The following CADM2 variants were observed in gnomAD, a reference collection of about 807,000 sequenced individuals.
CADM2 encodes the protein cell adhesion molecule 2.
Under a neutral mutation model 49.8 loss-of-function variants are expected in CADM2, and 12 were observed. The ratio of observed to expected loss-of-function variants is 0.24; its 90% CI spans 0.15 to 0.39. The LOEUF (loss-of-function observed/expected upper bound fraction) is 0.39. Among genes scored for constraint, CADM2 ranks in the 10% least tolerant of loss-of-function variants. The pLI is 1.00. For synonymous variants in CADM2, 214 were observed against 175.4 expected, an observed-to-expected ratio of 1.22 and a Z score of -1.74; for missense variants, 378 against 492.3, an observed-to-expected ratio of 0.77 and a Z score of 2.20.
chr3:85,389,867 G>C (rs1261538911), intron 1 of CADM2, among the ~76,000 whole-genome samples: 1 of 152,048 alleles, frequency 6.6e-6, no homozygotes, highest in Non-Finnish European at 1.5e-5. Flanking sequence ...TGCTTAATGT[G>C]TTATTTCTAC....
At chr3:85,682,753 G>T (rs774002393) in intron 1 of CADM2, among the ~76,000 whole-genome samples, 2 of 152,032 alleles carry the variant, frequency 1.3e-5, no homozygotes, top group Non-Finnish European at 2.9e-5. Context: ...TTAACATTCT[G>T]TGTTGAATAC....
At chr3:85,347,455 C>T (rs945910951) in intron 1 of CADM2, among the ~76,000 whole-genome samples, 11 of 147,070 alleles carry the variant, frequency 7.5e-5, no homozygotes, top group Admixed American at 4.8e-4. Context: ...AAGAAAGTAA[C>T]GAACATATTT....
At chr3:85,420,544 A>G (rs1483551379) in intron 1 of CADM2, among the ~76,000 whole-genome samples, 1 of 152,196 alleles carries the variant, frequency 6.6e-6, no homozygotes, top group Non-Finnish European at 1.5e-5. Flanking sequence ...AGCAAAACAC[A>G]TAATATGCTC....
At chr3:85,157,998 AAAAC>A (rs1428093795) in intron 1 of CADM2, among the ~76,000 whole-genome samples, 1 of 152,198 alleles carries the variant, frequency 6.6e-6, no homozygotes, top group Non-Finnish European at 1.5e-5. Context: ...TTACAAGAAA[AAAAC>A]AAACAATCCC....
At chr3:86,013,101 T>G in intron 8 of CADM2, 2 of 1,341,748 alleles carry the variant, frequency 1.5e-6, no homozygotes, top group Non-Finnish European at 2.1e-6. Context: ...ACCAACAATA[T>G]TTGATCTTAC....
intron 3 of CADM2, among the ~76,000 whole-genome samples, chr3:85,843,187 TC>T (rs2108268430): frequency 6.6e-6 from 1 of 152,274 alleles, no homozygotes; most frequent in South Asian, 2.1e-4. Context: ...TAAGATTCTT[TC>T]AGTTTTGAGA....
intron 1 of CADM2, among the ~76,000 whole-genome samples, chr3:84,987,226 G>A (rs1375401371): frequency 6.6e-5 from 10 of 151,848 alleles, no homozygotes; most frequent in Admixed American, 6.6e-4. Context: ...CTCACTGAAA[G>A]TTCCATCTCC....
intron 1 of CADM2, among the ~76,000 whole-genome samples, chr3:85,583,603 T>C (rs1485065000): frequency 6.6e-6 from 1 of 152,110 alleles, no homozygotes; most frequent in African/African-American, 2.4e-5. Flanking sequence ...AATAGGATTA[T>C]AGAAGATGTT....
rs919101569 is a variant in CADM2 at position 85,396,214 on chromosome 3, A to C, written c.62-330308A>C. ...TTTATTTCATCGGTAAATGTAGATT[A>C]GTGAAGCTGTAAAGTTTTCTTGCTT... On this transcript the variant is annotated intron_variant, in intron 1 of 9. Transcript: ENST00000383699. 2.0e-5 allele frequency among the ~76,000 whole-genome samples: 3 copies of C among 151,728 alleles called. No individual in the cohort carries two copies. In the South Asian group the frequency reaches 6.2e-4, roughly 31 times the overall value.
Position 85,118,871 on chromosome 3 carries a change from T to A in CADM2, c.61+159203T>A, listed in dbSNP as rs990275689. ...TTCAAGCGATTCTCCTGCCTCAGCCTCCTGAGTAGCTGGGATTACAGGCAT... is the reference window on the plus strand; with the variant it reads ...TTCAAGCGATTCTCCTGCCTCAGCCACCTGAGTAGCTGGGATTACAGGCAT... On this transcript the variant is annotated intron_variant, in intron 1 of 9. Coordinates refer to ENST00000383699, the MANE Select transcript of CADM2 (RefSeq NM_001167675.2). 2.6e-5 allele frequency among the ~76,000 whole-genome samples: 4 copies of A among 152,134 alleles called. 1 individual carries two copies. Among genetic ancestry groups the A allele is most frequent in the African/African-American group, 9.7e-5 (4 of 41,428 alleles).
At position 85,206,518 on chromosome 3, in the gene CADM2, A is replaced by G. The variant is rs191725710; in HGVS notation, c.61+246850A>G. Among the ~76,000 whole-genome samples, 11 of 152,146 alleles carry G rather than the reference A, an allele frequency of 7.2e-5. No homozygotes were observed. In the East Asian group the frequency reaches 1.4e-3, roughly 19 times the overall value. On this transcript the variant is annotated intron_variant, in intron 1 of 9. Coordinates refer to ENST00000383699, the MANE Select transcript of CADM2 (RefSeq NM_001167675.2). ...GAGACGGGGTTTCACCGTGTTAGCCAGGATGGTCTTGATCACCTGACCTCG... is the reference window on the plus strand; with the variant it reads ...GAGACGGGGTTTCACCGTGTTAGCCGGGATGGTCTTGATCACCTGACCTCG...
chr3:86,038,382 T>C (rs947979876), intron 8 of CADM2, among the ~76,000 whole-genome samples: 2 of 152,188 alleles, frequency 1.3e-5, no homozygotes, highest in East Asian at 3.9e-4. Flanking sequence ...TTTTTCTGCT[T>C]GTCTCTGAAG....
intron 1 of CADM2, among the ~76,000 whole-genome samples, chr3:85,675,093 C>T (rs1032077987): frequency 6.6e-5 from 10 of 152,104 alleles, no homozygotes; most frequent in Non-Finnish European, 1.2e-4. Flanking sequence ...CATTGATTTA[C>T]TTCAGTCTTA....
At chr3:85,349,767 A>T (rs918561756) in intron 1 of CADM2, among the ~76,000 whole-genome samples, 1 of 152,198 alleles carries the variant, frequency 6.6e-6, no homozygotes, top group African/African-American at 2.4e-5. Flanking sequence ...AAATTTAGAC[A>T]GTGTCTTGGA....
chr3:85,579,674 A>G (rs2062738365), intron 1 of CADM2, among the ~76,000 whole-genome samples: 2 of 152,198 alleles, frequency 1.3e-5, no homozygotes, highest in Non-Finnish European at 1.5e-5. Context: ...TATTAATAAT[A>G]TAAAAAGTAA....
chr3:86,055,481 G>GTTTTTTTTTT (rs1440467932), intron 8 of CADM2, among the ~76,000 whole-genome samples: 8 of 121,042 alleles, frequency 6.6e-5, no homozygotes, highest in South Asian at 2.8e-4. Context: ...TTTTTTTTTG[G>GTTTTTTTTTT]TTTTAGAGGG....
At chr3:85,481,219 A>C (rs2039194635) in intron 1 of CADM2, among the ~76,000 whole-genome samples, 1 of 103,760 alleles carries the variant, frequency 9.6e-6, no homozygotes, top group South Asian at 3.8e-4. Context: ...TACACAAATT[A>C]TATATATTGG....
At chr3:85,497,975 CT>C (rs2039971796) in intron 1 of CADM2, among the ~76,000 whole-genome samples, 1 of 151,962 alleles carries the variant, frequency 6.6e-6, no homozygotes. Context: ...AAATTGCCTA[CT>C]CACTAAAATT....
intron 1 of CADM2, among the ~76,000 whole-genome samples, chr3:85,399,552 A>G (rs997879201): frequency 6.6e-6 from 1 of 152,192 alleles, no homozygotes; most frequent in African/African-American, 2.4e-5. Flanking sequence ...CATTGAATCT[A>G]TAACATACCT....
Sources: allele counts gnomAD v4.1 joint callset (sites outside exome capture counted in the v4.1 genomes callset), GRCh38; gene constraint gnomAD v4.1.1; transcripts MANE v1.5; gene names NCBI Gene and HGNC (gene_info 2026-07-23, HGNC 2026-07-21).